Variants in AGBL4 observed in about 807,000 individuals in gnomAD.
The protein encoded by AGBL4 is AGBL carboxypeptidase 4.
In AGBL4, 58 loss-of-function variants were observed where a neutral mutation model predicts 66.4. The ratio of observed to expected loss-of-function variants is 0.87; its 90% confidence interval spans 0.71 to 1.09. The LOEUF is 1.09. Ranked by LOEUF, AGBL4 falls within the 50% of genes least tolerant of loss-of-function variation. The pLI is 0.00. For missense variants in AGBL4, 579 were observed against 631.0 expected, an observed-to-expected ratio of 0.92 and a Z score of 0.88; for synonymous variants, 234 against 222.9, an observed-to-expected ratio of 1.05 and a Z score of -0.44.
chr1:48,869,946 G>A (rs1648486939), intron 5 of AGBL4, among the ~76,000 whole-genome samples: 1 of 152,046 alleles, frequency 6.6e-6, no homozygotes, highest in Non-Finnish European at 1.5e-5. Flanking sequence ...CCCTCAGTAA[G>A]TATTGGCTGA....
At chr1:48,873,402 A>G (rs1038877394) in intron 5 of AGBL4, among the ~76,000 whole-genome samples, 26 of 152,150 alleles carry the variant, frequency 1.7e-4, no homozygotes, top group African/African-American at 5.6e-4. Flanking sequence ...TCTGCTGTAA[A>G]GCGTTGCTTA....
chr1:49,672,128 T>C (rs1646488540), intron 3 of AGBL4, among the ~76,000 whole-genome samples: 1 of 152,136 alleles, frequency 6.6e-6, no homozygotes, highest in South Asian at 2.1e-4. Context: ...ATGTGGTACA[T>C]ATATACCATG....
At chr1:49,967,917 A>G (rs1429149103) in intron 1 of AGBL4, among the ~76,000 whole-genome samples, 8 of 152,024 alleles carry the variant, frequency 5.3e-5, no homozygotes, top group African/African-American at 9.7e-5. Context: ...CATGGGATAT[A>G]CTTTATTTTT....
At chr1:49,373,268 A>G (rs1644403757) in intron 3 of AGBL4, among the ~76,000 whole-genome samples, 1 of 152,186 alleles carries the variant, frequency 6.6e-6, no homozygotes, top group East Asian at 1.9e-4. Flanking sequence ...CTATTCTCCT[A>G]TCACTTAACT....
intron 6 of AGBL4, among the ~76,000 whole-genome samples, chr1:48,859,467 T>A (rs1047852375): frequency 6.6e-6 from 1 of 152,184 alleles, no homozygotes; most frequent in African/African-American, 2.4e-5. Context: ...CTTTCTCGGC[T>A]TTTTTTCTTT....
chr1:49,513,363 G>C (rs1365524240), intron 3 of AGBL4, among the ~76,000 whole-genome samples: 2 of 151,918 alleles, frequency 1.3e-5, no homozygotes, highest in African/African-American at 4.8e-5. Context: ...TTGGAATATG[G>C]ATCCTGTCAC....
intron 5 of AGBL4, among the ~76,000 whole-genome samples, chr1:48,884,582 C>T (rs556951205): frequency 9.2e-5 from 14 of 152,160 alleles, no homozygotes; most frequent in Non-Finnish European, 1.8e-4. Context: ...TTGTCCATTG[C>T]TTCCTTGAAT....
intron 3 of AGBL4, among the ~76,000 whole-genome samples, chr1:49,486,433 T>C (rs544047794): frequency 2.0e-5 from 3 of 152,040 alleles, no homozygotes; most frequent in African/African-American, 7.2e-5. Context: ...AACTCAGTCA[T>C]AGGGAGAAAG....
At position 48,733,617 on chromosome 1, in the gene AGBL4, G is replaced by GC. The variant is rs572145992; in HGVS notation, c.635-70377dup. 2.3e-4 allele frequency among the ~76,000 whole-genome samples: 35 copies of GC among 152,294 alleles called. 1 individual carries two copies. The South Asian group carries it at 7.3e-3, about 32-fold the overall frequency. On this transcript the variant is annotated intron_variant, in intron 6 of 13. Transcript: ENST00000371839. The stretch of plus-strand genomic sequence containing the variant: ...GGTTGGAGCTAAGGAGTGTGTAATG[G>GC]CCCAAGCCACATGCATGGCTGAGGT...
Position 49,463,469 on chromosome 1 carries a change from C to G in AGBL4, c.283-217605G>C, listed in dbSNP as rs190290169. The stretch of plus-strand genomic sequence containing the variant: ...CTCTCTTTCAAAGAAAATTTAGGGA[C>G]CCAGCAGCTTACTGCCCATAAAGCT... On this transcript the variant is annotated intron_variant, in intron 3 of 13. Transcript: ENST00000371839. 2.5e-3 allele frequency among the ~76,000 whole-genome samples: 385 copies of G among 151,798 alleles called. 5 individuals carry two copies. Among genetic ancestry groups the G allele is most frequent in the Admixed American group, 0.022 (335 of 15,210 alleles).
Position 49,404,164 on chromosome 1 carries a change from C to T in AGBL4, c.283-158300G>A, listed in dbSNP as rs562527001. On this transcript the variant is annotated intron_variant, in intron 3 of 13. Coordinates refer to ENST00000371839, the MANE Select transcript of AGBL4 (RefSeq NM_032785.4). ...ATTAAAGCCCCAACCCCTAGTGATG[C>T]TGTATTTAGAGATACAGTCTCAGAG... 7.9e-5 allele frequency among the ~76,000 whole-genome samples: 12 copies of T among 152,196 alleles called. No homozygotes were observed. The South Asian group carries it at 2.5e-3, about 32-fold the overall frequency.
intron 1 of AGBL4, among the ~76,000 whole-genome samples, chr1:49,899,513 A>G (rs1301679117): frequency 6.6e-6 from 1 of 151,658 alleles, no homozygotes; most frequent in Non-Finnish European, 1.5e-5. Context: ...AAAAAAAAAG[A>G]AAACAAAAAC....
chr1:49,638,854 C>T (rs150552204), intron 3 of AGBL4, among the ~76,000 whole-genome samples: 49 of 152,238 alleles, frequency 3.2e-4, no homozygotes, highest in African/African-American at 1.2e-3. Flanking sequence ...TACAAGTACT[C>T]GCCAAGAAGA....
chr1:48,619,730 G>A (rs1645378734), intron 9 of AGBL4, among the ~76,000 whole-genome samples: 1 of 152,232 alleles, frequency 6.6e-6, no homozygotes, highest in South Asian at 2.1e-4. Context: ...TGCTGAGTCT[G>A]CATAGGTGGT....
intron 11 of AGBL4, among the ~76,000 whole-genome samples, chr1:48,575,209 C>T (rs1156728657): frequency 6.6e-6 from 1 of 152,064 alleles, no homozygotes; most frequent in Admixed American, 6.5e-5. Context: ...CTGTCCAATA[C>T]CCAGTATTCC....
intron 3 of AGBL4, among the ~76,000 whole-genome samples, chr1:49,530,562 C>T (rs114226348): frequency 8.8e-4 from 134 of 152,068 alleles, no homozygotes; most frequent in African/African-American, 2.7e-3. Context: ...AGCCACCTCT[C>T]TGAAATAGTC....
At chr1:48,772,875 T>C (rs752442584) in intron 6 of AGBL4, among the ~76,000 whole-genome samples, 2 of 152,184 alleles carry the variant, frequency 1.3e-5, no homozygotes, top group African/African-American at 2.4e-5. Context: ...ATTCTCTGTG[T>C]TTCCCCAGTG....
In AGBL4 at chr1:49,049,877, A is replaced by G. The variant is rs976874330; in HGVS notation, c.378-4077T>C. ...ATTATAGTACTATTTCCTAATATCT[A>G]TATAGCATGGACCATATGCTAGGCC... On this transcript the variant is annotated intron_variant, in intron 4 of 13. Coordinates refer to ENST00000371839, the MANE Select transcript of AGBL4 (RefSeq NM_032785.4). Among the ~76,000 whole-genome samples, 3 of 152,106 alleles carry G rather than the reference A, an allele frequency of 2.0e-5. No homozygotes were observed. In the South Asian group the frequency reaches 6.2e-4, roughly 32 times the overall value.
chr1:48,535,563 T>C (rs1180695170), intron 12 of AGBL4, among the ~76,000 whole-genome samples: 1 of 152,210 alleles, frequency 6.6e-6, no homozygotes, highest in Non-Finnish European at 1.5e-5. Context: ...CTGTCTTATC[T>C]TTACCATATC....
Sources: gnomAD v4.1 joint callset for allele counts (sites outside exome capture counted in the v4.1 genomes callset) on GRCh38, gnomAD v4.1.1 for gene constraint, MANE v1.5 for transcripts, NCBI Gene and HGNC (gene_info 2026-07-23, HGNC 2026-07-21) for gene names.